The following TXLNB variants were observed in gnomAD, a reference collection of about 807,000 sequenced individuals.
The protein encoded by TXLNB is taxilin beta.
In TXLNB, 37 loss-of-function variants were observed where a neutral mutation model predicts 57.4. That is an observed-to-expected ratio of 0.64 (90% CI 0.50 to 0.85). The LOEUF (loss-of-function observed/expected upper bound fraction) is 0.85. TXLNB is among the 40% of genes least tolerant of loss of function. The pLI is 0.00. For synonymous variants in TXLNB, 302 were observed against 309.6 expected, an observed-to-expected ratio of 0.98 and a Z score of 0.26; for missense variants, 848 against 825.6, an observed-to-expected ratio of 1.03 and a Z score of -0.33.
chr6:139,159,822 C>G, the TXLNB span, among the ~76,000 whole-genome samples: 1 of 152,226 alleles, frequency 6.6e-6, no homozygotes, highest in Non-Finnish European at 1.5e-5. Flanking sequence ...TAAGAAGACC[C>G]TCCTTACCTT....
intron 7 of TXLNB, among the ~76,000 whole-genome samples, chr6:139,252,125 T>C (rs762142839): frequency 2.6e-5 from 4 of 152,234 alleles, no homozygotes; most frequent in Admixed American, 6.5e-5. Flanking sequence ...CAGACATCGC[T>C]TCCCTAAGTG....
the TXLNB span, among the ~76,000 whole-genome samples, chr6:139,232,811 CTT>C: frequency 5.3e-5 from 8 of 152,056 alleles, no homozygotes; most frequent in Non-Finnish European, 1.0e-4. Context: ...GACTTTTTCT[CTT>C]GTTTTATTAT....
chr6:139,309,831 C>T, the TXLNB span, among the ~76,000 whole-genome samples: 1 of 152,026 alleles, frequency 6.6e-6, no homozygotes, highest in Admixed American at 6.5e-5. Context: ...ATCAAACATA[C>T]ATGGACAACA....
At chr6:139,165,230 A>T in the TXLNB span, among the ~76,000 whole-genome samples, 1 of 152,166 alleles carries the variant, frequency 6.6e-6, no homozygotes, top group Non-Finnish European at 1.5e-5. Flanking sequence ...TTATACATAC[A>T]TGTCCTTTTA....
the TXLNB span, among the ~76,000 whole-genome samples, chr6:139,231,649 T>C: frequency 3.9e-5 from 6 of 152,120 alleles, no homozygotes; most frequent in Admixed American, 3.9e-4. Context: ...AAACTCTCCC[T>C]GGAGGTGGGG....
the TXLNB span, among the ~76,000 whole-genome samples, chr6:139,198,861 T>C: frequency 6.6e-6 from 1 of 152,188 alleles, no homozygotes; most frequent in South Asian, 2.1e-4. Context: ...CCAGGGAGCG[T>C]CATCATTCCT....
chr6:139,243,274 T>A lies in TXLNB; in HGVS notation c.1307A>T (p.Lys436Ile). The change falls in exon 10 of 10, where the codon AAA (lysine) becomes ATA (isoleucine). Residue 436 changes from lysine (K) to isoleucine (I), a missense_variant. Physicochemically the swap from Lys to Ile is moderately radical, Grantham distance 102. Transcript: ENST00000358430. ...RAKEYECFVM[K>I]IGRLENLCRA... ...GCAGAGGTTCTCTAGCCTCCCGATT[T>A]TCATCACAAAGCACTCATATTCTTT... The A allele has an allele frequency of 6.2e-7, 1 of 1,613,008 alleles. No homozygotes were observed. Among genetic ancestry groups the A allele is most frequent in the Non-Finnish European group, 8.5e-7 (1 of 1,179,992 alleles).
chr6:139,195,584 G>A, the TXLNB span, among the ~76,000 whole-genome samples: 254 of 152,296 alleles, frequency 1.7e-3, 1 homozygote, highest in South Asian at 0.013. Flanking sequence ...CAGAAAAACC[G>A]TGACAGATTT....
chr6:139,214,095 A>G, the TXLNB span, among the ~76,000 whole-genome samples: 7 of 152,224 alleles, frequency 4.6e-5, no homozygotes, highest in Non-Finnish European at 1.0e-4. Flanking sequence ...TCCAATCAAT[A>G]GAAAAAGAGG....
At chr6:139,247,475 G>A (rs1197739551) in intron 8 of TXLNB, among the ~76,000 whole-genome samples, 4 of 148,132 alleles carry the variant, frequency 2.7e-5, no homozygotes, top group Non-Finnish European at 4.5e-5. Flanking sequence ...ATTCTTAGAA[G>A]GTTATATTTT....
the TXLNB span, chr6:139,170,194 C>A: frequency 2.4e-4 from 36 of 152,282 alleles, no homozygotes; most frequent in East Asian, 6.4e-3. Context: ...AATATGGGTA[C>A]AGCAGATATG....
chr6:139,287,773 T>C (rs1396145972), intron 2 of TXLNB, among the ~76,000 whole-genome samples: 3 of 152,224 alleles, frequency 2.0e-5, no homozygotes, highest in African/African-American at 4.8e-5. Flanking sequence ...TCACCCTTTT[T>C]TCCCAGCCAT....
At chr6:139,187,789 G>C in the TXLNB span, among the ~76,000 whole-genome samples, 1 of 152,172 alleles carries the variant, frequency 6.6e-6, no homozygotes, top group African/African-American at 2.4e-5. Flanking sequence ...GATTGGTTAA[G>C]GAAAGGTTGA....
intron 8 of TXLNB, among the ~76,000 whole-genome samples, chr6:139,247,135 T>A (rs535373007): frequency 3.1e-4 from 47 of 152,168 alleles, no homozygotes; most frequent in African/African-American, 1.1e-3. Flanking sequence ...ATATAAAAGT[T>A]TTTTGGTTTT....
chr6:139,212,102 C>A, the TXLNB span, among the ~76,000 whole-genome samples: 1 of 152,270 alleles, frequency 6.6e-6, no homozygotes, highest in Middle Eastern at 3.4e-3. Flanking sequence ...GGCAGGCCAA[C>A]ATTCAAATTC....
At chr6:139,296,521 T>C (rs1228947980), upstream of TXLNB, among the ~76,000 whole-genome samples, 3 of 151,928 alleles carry the variant, frequency 2.0e-5, no homozygotes, top group Non-Finnish European at 2.9e-5. Context: ...CTTTTTTTCA[T>C]TTATTATTTT....
chr6:139,226,295 C>T, the TXLNB span, among the ~76,000 whole-genome samples: 72,337 of 112,648 alleles, frequency 0.64, 23,572 homozygotes, highest in East Asian at 0.81. Flanking sequence ...AGAGTGAGAC[C>T]CTGTCTCAAA....
chr6:139,318,211 A>G, the TXLNB span, among the ~76,000 whole-genome samples: 4 of 147,456 alleles, frequency 2.7e-5, no homozygotes, highest in Non-Finnish European at 6.0e-5. Flanking sequence ...CAGAGCTTGC[A>G]GTGAGCCAAG....
rs766099328 is a variant in TXLNB, at chr6:139,243,001, ATTTCGGGTTGGG to A, written c.1568_1579del (p.Thr523_Glu526del). 1.9e-6 allele frequency: 3 copies of A among 1,613,852 alleles called. No individual in the cohort carries two copies. Among genetic ancestry groups the A allele is most frequent in the Non-Finnish European group, 2.5e-6 (3 of 1,179,958 alleles). On this transcript the variant is annotated inframe_deletion, in exon 10 of 10. Coordinates refer to ENST00000358430, the MANE Select transcript of TXLNB (RefSeq NM_153235.4). ...GTCAGCACTCTCCTGAGAACTGCCT[ATTTCGGGTTGGG>A]TTTCTTTGGACTGGTGCGGGGTTGA...
Sources: allele counts gnomAD v4.1 joint callset (sites outside exome capture counted in the v4.1 genomes callset), GRCh38; gene constraint gnomAD v4.1.1; transcripts MANE v1.5; gene names NCBI Gene and HGNC (gene_info 2026-07-23, HGNC 2026-07-21).